Variants in SLC35E3 observed in about 807,000 individuals in gnomAD.
SLC35E3 encodes the protein solute carrier family 35 member E3, also known as bladder cancer-overexpressed gene 1 protein.
SLC35E3 carries 28 observed loss-of-function variants against 30.8 expected under a neutral mutation model. The observed-to-expected ratio is 0.91, with a 90% CI of 0.67 to 1.25. The LOEUF is 1.25. SLC35E3 is among the 50% of genes most tolerant of loss of function. SLC35E3 has a pLI of 0.00. For synonymous variants in SLC35E3, 146 were observed against 149.2 expected, an observed-to-expected ratio of 0.98 and a Z score of 0.16; for missense variants, 365 against 375.4, an observed-to-expected ratio of 0.97 and a Z score of 0.23.
chr12:68,772,495 T>C lies in SLC35E3; in HGVS notation c.*7605T>C, dbSNP rs1419587294. On this transcript the variant is annotated 3_prime_UTR_variant, in exon 5 of 5. Transcript: ENST00000398004. The stretch of plus-strand genomic sequence containing the variant: ...CTGATGTATCGAAGTTACTTTATAC[T>C]TCATATGAAGTCATTAGGAGGTGAA... The C allele has an allele frequency of 6.6e-6, 1 of 152,240 alleles. No individual in the cohort carries two copies. The highest frequency in any genetic ancestry group is 2.4e-5 in the African/African-American group (1 of 41,476). The allele number at this position is 152,240 out of a possible 1,614,324, so 9.4% of individuals were successfully genotyped here.
chr12:68,754,308 G>C (rs1878921763), intron 3 of SLC35E3, among the ~76,000 whole-genome samples: 2 of 152,134 alleles, frequency 1.3e-5, no homozygotes, highest in East Asian at 3.9e-4. Flanking sequence ...TTTTGAGTCA[G>C]AGTCTCACTC....
chr12:68,752,295 A>G (rs1878833811), intron 3 of SLC35E3, 105 bp downstream of exon 3: 3 of 1,075,948 alleles, frequency 2.8e-6, no homozygotes, highest in South Asian at 1.7e-5. Flanking sequence ...CCATTCTCAC[A>G]TTTATCGTCA....
At chr12:68,760,279 C>T (rs1292502619) in intron 4 of SLC35E3, 1 of 152,246 alleles carries the variant, frequency 6.6e-6, no homozygotes, top group Non-Finnish European at 1.5e-5. Context: ...ACATTTCACT[C>T]TGCCCCCACC....
intron 3 of SLC35E3, 41 bp downstream of exon 3, chr12:68,752,231 A>G (rs1407687172): frequency 6.6e-7 from 1 of 1,518,666 alleles, no homozygotes; most frequent in South Asian, 1.3e-5. Context: ...ACAGTATAAT[A>G]ATAACTCCTC....
In SLC35E3 at chr12:68,779,168, C is replaced by T. The variant is rs557373184; in HGVS notation, c.*14278C>T. On this transcript the variant is annotated 3_prime_UTR_variant, in exon 5 of 5. Coordinates refer to ENST00000398004, the MANE Select transcript of SLC35E3 (RefSeq NM_018656.5). Reference sequence around the variant, plus strand: ...TGTGGCCGACGCTGGAGTGCAGTGCCTTTTTGCAGGCACAATCATAGTGCA... The same window carrying T: ...TGTGGCCGACGCTGGAGTGCAGTGCTTTTTTGCAGGCACAATCATAGTGCA... 2 of 152,332 alleles carry T rather than the reference C, an allele frequency of 1.3e-5. No individual in the cohort carries two copies. Among genetic ancestry groups the T allele is most frequent in the East Asian group, 3.9e-4 (2 of 5,190 alleles). 9.4% of individuals were successfully genotyped at this position (152,332 alleles called of 1,614,324 possible). A position where few individuals can be genotyped will look rare whatever the true frequency, so the allele number is the denominator to read the frequency against.
At chr12:68,764,235 G>A (rs1184735191) in intron 4 of SLC35E3, among the ~76,000 whole-genome samples, 2 of 152,206 alleles carry the variant, frequency 1.3e-5, no homozygotes, top group Non-Finnish European at 2.9e-5. Flanking sequence ...GGTTGAGGCA[G>A]TCTTGTGTCT....
chr12:68,746,752 C>T lies in SLC35E3; in HGVS notation c.375C>T (p.Thr125=). Reference sequence around the variant, plus strand: ...TCCAGACCTTCTGCTACCAGAAAACCTTCTCCACCAGAATCCAGCTCACGC... The same window carrying T: ...TCCAGACCTTCTGCTACCAGAAAACTTTCTCCACCAGAATCCAGCTCACGC... ...IAIQTFCYQK[T]FSTRIQLTLI... is the part of the protein sequence containing the mutation. The change falls in exon 1 of 5, where the codon ACC becomes ACT. Residue 125 remains threonine, a synonymous_variant. Coordinates refer to ENST00000398004, the MANE Select transcript of SLC35E3 (RefSeq NM_018656.5). The T allele has an allele frequency of 3.8e-6, 6 of 1,595,206 alleles. No homozygotes were observed. Among genetic ancestry groups the T allele is most frequent in the Non-Finnish European group, 3.4e-6 (4 of 1,168,022 alleles).
In SLC35E3 at chr12:68,752,186, CT is replaced by C; in HGVS notation, c.671del (p.Leu224CysfsTer9). ...ATATTTGGTCCCTGGTCAGTTTCTG[CT>C]TTGGTAAGTTCTAATTGTTTTGATA... ...GGIFGPWSVS[A>X]LLMVLLSGVI... On this transcript the variant is annotated frameshift_variant, in exon 3 of 5. Coordinates refer to ENST00000398004, the MANE Select transcript of SLC35E3 (RefSeq NM_018656.5). LOFTEE classifies it high-confidence loss of function. 1.2e-6 allele frequency: 2 copies of C among 1,605,502 alleles called. No homozygotes were observed. The highest frequency in any genetic ancestry group is 1.7e-6 in the Non-Finnish European group (2 of 1,177,440).
At position 68,753,835 on chromosome 12, in the gene SLC35E3, C is replaced by CA. The variant is rs71091554; in HGVS notation, c.672+1645_672+1646insA. ...ACACACACACACACACACACACACA[C>CA]CCCAATTAAACATCTATTTCTTTTC... is the stretch of plus-strand genomic sequence containing the variant. On this transcript the variant is annotated intron_variant, in intron 3 of 4. Coordinates refer to ENST00000398004, the MANE Select transcript of SLC35E3 (RefSeq NM_018656.5). 1.7e-3 allele frequency among the ~76,000 whole-genome samples: 248 copies of CA among 146,470 alleles called. 6 individuals carry two copies. The East Asian group carries it at 0.03, about 17-fold the overall frequency.
chr12:68,768,170 T>G lies in SLC35E3; in HGVS notation c.*3280T>G, dbSNP rs1300211081. The stretch of plus-strand genomic sequence containing the variant: ...TGGGCATGGTGGCGGGCGCCTGTAA[T>G]TCCAGCTACTCGGGAGGCTGAGACA... On this transcript the variant is annotated 3_prime_UTR_variant, in exon 5 of 5. Transcript: ENST00000398004. 2.0e-5 allele frequency: 3 copies of G among 152,138 alleles called. No individual in the cohort carries two copies. The highest frequency in any genetic ancestry group is 4.4e-5 in the Non-Finnish European group (3 of 68,066). The allele number at this position is 152,138 out of a possible 1,614,324, so 9.4% of individuals were successfully genotyped here.
rs971330402 is a variant in SLC35E3 at position 68,772,894 on chromosome 12, G to A, written c.*8004G>A. 6.6e-6 allele frequency: 1 copy of A among 152,084 alleles called. No individual in the cohort carries two copies. Among genetic ancestry groups the A allele is most frequent in the East Asian group, 1.9e-4 (1 of 5,172 alleles). 9.4% of individuals were successfully genotyped at this position (152,084 alleles called of 1,614,324 possible). ...AGCCCTATGGCAGGTGCCATGTACA[G>A]CTGCAAAGGTGGCAAGAAGCCCTGA... On this transcript the variant is annotated 3_prime_UTR_variant, in exon 5 of 5. Coordinates refer to ENST00000398004, the MANE Select transcript of SLC35E3 (RefSeq NM_018656.5).
intron 4 of SLC35E3, among the ~76,000 whole-genome samples, chr12:68,763,644 C>T (rs1348820157): frequency 6.6e-6 from 1 of 152,112 alleles, no homozygotes; most frequent in Non-Finnish European, 1.5e-5. Context: ...GCCCCTTGGC[C>T]TCCCAAAGTG....
Position 68,753,481 on chromosome 12 carries a change from C to T in SLC35E3, c.672+1291C>T, listed in dbSNP as rs1878882289. On this transcript the variant is annotated intron_variant, in intron 3 of 4. Coordinates refer to ENST00000398004, the MANE Select transcript of SLC35E3 (RefSeq NM_018656.5). ...AAAAAAAACCAAACCAAAACAACAA[C>T]AACAAAAGAAAGTGAAGGGCCTCTG... Among the ~76,000 whole-genome samples, 4 of 151,600 alleles carry T rather than the reference C, an allele frequency of 2.6e-5. No homozygotes were observed. The South Asian group carries it at 6.3e-4, about 24-fold the overall frequency.
chr12:68,757,553 T>C (rs909824530), intron 3 of SLC35E3, among the ~76,000 whole-genome samples: 1 of 152,196 alleles, frequency 6.6e-6, no homozygotes, highest in African/African-American at 2.4e-5. Context: ...AAAGGAATAA[T>C]ATTTTTACAA....
At chr12:68,748,716 G>T (rs535545851) in intron 2 of SLC35E3, among the ~76,000 whole-genome samples, 2 of 152,234 alleles carry the variant, frequency 1.3e-5, no homozygotes, top group Admixed American at 1.3e-4. Flanking sequence ...AAAATAACTT[G>T]CTGTAGGGGA....
chr12:68,764,053 C>G (rs909540350), intron 4 of SLC35E3, among the ~76,000 whole-genome samples: 4 of 152,172 alleles, frequency 2.6e-5, no homozygotes, highest in Non-Finnish European at 4.4e-5. Flanking sequence ...TCTTTTCCCT[C>G]CTTAACTCAA....
chr12:68,751,642 CCAA>C (rs903599613), intron 2 of SLC35E3, among the ~76,000 whole-genome samples: 4 of 152,092 alleles, frequency 2.6e-5, no homozygotes, highest in Admixed American at 6.6e-5. Context: ...GAAATGAAGT[CCAA>C]CACTGCATCT....
At chr12:68,757,238 C>T (rs1303554756) in intron 3 of SLC35E3, among the ~76,000 whole-genome samples, 1 of 152,162 alleles carries the variant, frequency 6.6e-6, no homozygotes, top group African/African-American at 2.4e-5. Flanking sequence ...CAAGGATGCC[C>T]ACTCTTACCA....
chr12:68,759,594 C>T (rs1007289708), intron 4 of SLC35E3, among the ~76,000 whole-genome samples: 10 of 151,958 alleles, frequency 6.6e-5, no homozygotes, highest in African/African-American at 2.4e-4. Context: ...ATCCCAGCTA[C>T]TCAGGAGGCT....
Sources: gnomAD v4.1 joint callset for allele counts (sites outside exome capture counted in the v4.1 genomes callset) on GRCh38, gnomAD v4.1.1 for gene constraint, MANE v1.5 for transcripts, NCBI Gene and HGNC (gene_info 2026-07-23, HGNC 2026-07-21) for gene names.